Variants in ARHGAP5 observed in about 807,000 individuals in gnomAD.
The protein encoded by ARHGAP5 is Rho GTPase activating protein 5, also known as rho GTPase-activating protein 5.
Under a neutral mutation model 116.6 loss-of-function variants are expected in ARHGAP5, and 23 were observed. That is an observed-to-expected ratio of 0.20 (90% confidence interval 0.14 to 0.28). The LOEUF (loss-of-function observed/expected upper bound fraction) is 0.28. Ranked by LOEUF, ARHGAP5 falls within the 10% of genes least tolerant of loss-of-function variation. The pLI is 1.00. For synonymous variants in ARHGAP5, 574 were observed against 602.0 expected, an observed-to-expected ratio of 0.95 and a Z score of 0.68; for missense variants, 1,405 against 1,774.8, an observed-to-expected ratio of 0.79 and a Z score of 3.74.
chr14:32,128,433 G>C (rs1880304644), intron 3 of ARHGAP5, among the ~76,000 whole-genome samples: 1 of 152,278 alleles, frequency 6.6e-6, no homozygotes, highest in South Asian at 2.1e-4. Context: ...GCAAGGGCGT[G>C]GCCCGCCTTG....
intron 3 of ARHGAP5, among the ~76,000 whole-genome samples, chr14:32,143,185 A>T (rs1881203846): frequency 6.6e-6 from 1 of 151,542 alleles, no homozygotes; most frequent in African/African-American, 2.4e-5. Context: ...TACTCAATTA[A>T]AAGGCAACAT....
At chr14:32,114,258 C>T (rs889754556) in intron 2 of ARHGAP5, among the ~76,000 whole-genome samples, 1 of 151,956 alleles carries the variant, frequency 6.6e-6, no homozygotes, top group Non-Finnish European at 1.5e-5. Context: ...CAAGTGTAAT[C>T]TCTTTTACCA....
At chr14:32,139,519 A>T (rs992076538) in intron 3 of ARHGAP5, among the ~76,000 whole-genome samples, 39 of 152,008 alleles carry the variant, frequency 2.6e-4, no homozygotes, top group African/African-American at 8.9e-4. Context: ...ATTCTCTTGT[A>T]ACCCTTTTTA....
At chr14:32,096,617 A>G (rs537949937) in intron 2 of ARHGAP5, among the ~76,000 whole-genome samples, 1 of 152,338 alleles carries the variant, frequency 6.6e-6, no homozygotes. Flanking sequence ...ATTTACCTAA[A>G]CAAATATGCT....
intron 2 of ARHGAP5, among the ~76,000 whole-genome samples, chr14:32,108,197 A>G (rs1481976731): frequency 6.6e-6 from 1 of 152,188 alleles, no homozygotes; most frequent in Non-Finnish European, 1.5e-5. Flanking sequence ...AAAAGTAGAG[A>G]CAATGGATGT....
intron 1 of ARHGAP5, among the ~76,000 whole-genome samples, chr14:32,078,994 ATCCTTTGTATAC>A (rs1566654509): frequency 1.3e-5 from 2 of 152,144 alleles, no homozygotes; most frequent in Non-Finnish European, 2.9e-5. Flanking sequence ...GCTTTCATCT[ATCCTTTGTATAC>A]TAATTGACCT....
At position 32,092,302 on chromosome 14, in the gene ARHGAP5, C is replaced by T; in HGVS notation, c.1633C>T (p.His545Tyr). The change falls in exon 2 of 7, where the codon CAT (histidine) becomes TAT (tyrosine). Residue 545 changes from histidine (H) to tyrosine (Y), a missense_variant. By Grantham distance (83) the His-to-Tyr change is moderately conservative. Transcript: ENST00000345122. The surrounding 1 kb of genome is among the most constrained non-coding windows in gnomAD (Gnocchi z 4.1). ...APDRESLLLK[H>Y]IGFVYHPTKE... Reference sequence around the variant, plus strand: ...TGATAGGGAATCCCTTCTACTTAAGCATATAGGATTTGTTTATCATCCCAC... The same window carrying T: ...TGATAGGGAATCCCTTCTACTTAAGTATATAGGATTTGTTTATCATCCCAC... 3 of 1,613,740 alleles carry T rather than the reference C, an allele frequency of 1.9e-6. No individual in the cohort carries two copies. Among genetic ancestry groups the T allele is most frequent in the African/African-American group, 1.3e-5 (1 of 75,034 alleles).
rs1249528049 is a variant in ARHGAP5 at position 32,154,858 on chromosome 14, G to A, written c.4419G>A (p.Val1473=). 1 of 1,614,082 alleles carries A rather than the reference G, an allele frequency of 6.2e-7. No homozygotes were observed. ...PPPPSNPGQL[V]EPMVPLQLPP... is the part of the protein sequence containing the mutation. ...CACCTTCAAACCCAGGACAGTTGGT[G>A]GAACCAATGGTGCCACTTCAGTTGC... The change falls in exon 7 of 7, where the codon GTG becomes GTA. Residue 1473 remains valine, a synonymous_variant. Coordinates refer to ENST00000345122, the MANE Select transcript of ARHGAP5 (RefSeq NM_001030055.2).
intron 4 of ARHGAP5, among the ~76,000 whole-genome samples, chr14:32,148,560 AT>A (rs1336424574): frequency 6.6e-6 from 1 of 152,246 alleles, no homozygotes; most frequent in Non-Finnish European, 1.5e-5. Context: ...GCTTGTATGT[AT>A]TAAAGCATAG....
At chr14:32,102,228 G>A (rs1205118809) in intron 2 of ARHGAP5, among the ~76,000 whole-genome samples, 2 of 152,234 alleles carry the variant, frequency 1.3e-5, no homozygotes, top group Admixed American at 1.3e-4. Context: ...AGTCACCTTT[G>A]TACAGGAAGT....
intron 3 of ARHGAP5, among the ~76,000 whole-genome samples, chr14:32,145,972 G>A (rs950196751): frequency 2.0e-5 from 3 of 151,948 alleles, no homozygotes; most frequent in Non-Finnish European, 2.9e-5. Flanking sequence ...TTTGGAGACA[G>A]GGTCTTGCTC....
chr14:32,122,544 T>A (rs1334494467), intron 3 of ARHGAP5, among the ~76,000 whole-genome samples: 1 of 152,202 alleles, frequency 6.6e-6, no homozygotes, highest in Non-Finnish European at 1.5e-5. Flanking sequence ...TTCTAAAATT[T>A]TGTCACTGTG....
intron 2 of ARHGAP5, among the ~76,000 whole-genome samples, chr14:32,098,136 A>T (rs1391603596): frequency 6.6e-6 from 1 of 152,242 alleles, no homozygotes; most frequent in Non-Finnish European, 1.5e-5. Flanking sequence ...AGGGCTTATT[A>T]ACAGAATAGC....
chr14:32,145,065 A>G (rs1382647503), intron 3 of ARHGAP5, among the ~76,000 whole-genome samples: 5 of 152,152 alleles, frequency 3.3e-5, no homozygotes, highest in African/African-American at 9.7e-5. Flanking sequence ...ATATTACTCA[A>G]ATCTATTTAA....
At chr14:32,082,167 T>C (rs543395440) in intron 1 of ARHGAP5, among the ~76,000 whole-genome samples, 23 of 152,304 alleles carry the variant, frequency 1.5e-4, no homozygotes, top group African/African-American at 5.5e-4. Context: ...CACAGATGGT[T>C]ACCAGACCGG....
At chr14:32,134,193 A>G (rs1026486957) in intron 3 of ARHGAP5, among the ~76,000 whole-genome samples, 29 of 151,960 alleles carry the variant, frequency 1.9e-4, no homozygotes, top group African/African-American at 5.6e-4. Context: ...TCTTGTGGGT[A>G]TGTTTTCATG....
At position 32,111,827 on chromosome 14, in the gene ARHGAP5, G is replaced by A. The variant is rs8018027; in HGVS notation, c.3718-5313G>A. ...TTATTTACATTTCATCTGTTGTCACGCTTCTTCTTTGATTTTTTTTTTTTT... is the reference window on the plus strand; with the variant it reads ...TTATTTACATTTCATCTGTTGTCACACTTCTTCTTTGATTTTTTTTTTTTT... On this transcript the variant is annotated intron_variant, in intron 2 of 6. Transcript: ENST00000345122. Among the ~76,000 whole-genome samples the A allele has an allele frequency of 3.0e-3, 445 of 146,256 alleles. 1 individual carries two copies. Among genetic ancestry groups the A allele is most frequent in the African/African-American group, 0.011 (425 of 39,736 alleles).
chr14:32,127,027 T>TCA, intron 3 of ARHGAP5, among the ~76,000 whole-genome samples: 1 of 148,854 alleles, frequency 6.7e-6, no homozygotes, highest in East Asian at 2.0e-4. Flanking sequence ...AGGTAGAGTC[T>TCA]CACTCTGTCA....
Position 32,092,898 on chromosome 14 carries a change from A to C in ARHGAP5, c.2229A>C (p.Glu743Asp), listed in dbSNP as rs1878335836. The change falls in exon 2 of 7, where the codon GAA becomes GAC. Residue 743 changes from glutamate (E) to aspartate (D), a missense_variant. Transcript: ENST00000345122. The surrounding 1 kb of genome is among the most constrained non-coding windows in gnomAD (Gnocchi z 4.1). Reference sequence around the variant, plus strand: ...GTACATATCCTCGTAAATTTAATGAAACCCAAATAAAGCAAGCTCTCAGAG... The same window carrying C: ...GTACATATCCTCGTAAATTTAATGACACCCAAATAAAGCAAGCTCTCAGAG... ...PAGTYPRKFN[E>D]TQIKQALRGV... 6.2e-7 allele frequency: 1 copy of C among 1,613,864 alleles called. No homozygotes were observed. Among genetic ancestry groups the C allele is most frequent in the Non-Finnish European group, 8.5e-7 (1 of 1,179,898 alleles).
Sources: gnomAD v4.1 joint callset for allele counts (sites outside exome capture counted in the v4.1 genomes callset) on GRCh38, gnomAD v4.1.1 for gene constraint, Gnocchi (gnomAD v3.1) non-coding constraint, MANE v1.5 for transcripts, NCBI Gene and HGNC (gene_info 2026-07-23, HGNC 2026-07-21) for gene names.